Variants in KLF12 observed in about 807,000 individuals in gnomAD.
The protein encoded by KLF12 is Krueppel-like factor 12.
A neutral mutation model predicts 37.8 loss-of-function variants in KLF12; 9 were observed. That is an observed-to-expected ratio of 0.24 (90% CI 0.14 to 0.42). KLF12 has a LOEUF of 0.42. Among genes scored for constraint, KLF12 ranks in the 10% least tolerant of loss-of-function variants. The pLI is 1.00. For missense variants in KLF12, 411 were observed against 516.0 expected (o/e 0.80, Z 1.97); for synonymous variants, 208 against 202.1 (o/e 1.03, Z -0.25).
At chr13:74,288,406 A>G in the KLF12 span, among the ~76,000 whole-genome samples, 2 of 152,220 alleles carry the variant, frequency 1.3e-5, no homozygotes, top group Non-Finnish European at 2.9e-5. Context: ...GTAACGGGGT[A>G]AAACAGCAGC....
chr13:74,243,872 T>G, the KLF12 span, among the ~76,000 whole-genome samples: 5 of 152,154 alleles, frequency 3.3e-5, no homozygotes, highest in Admixed American at 6.5e-5. Flanking sequence ...ATAGGCAATG[T>G]GGAGGAGGCC....
At position 73,845,609 on chromosome 13, in the gene KLF12, A is replaced by G. The variant is rs549025725; in HGVS notation, c.670+218T>C. Among the ~76,000 whole-genome samples, 24 of 152,342 alleles carry G rather than the reference A, an allele frequency of 1.6e-4. 1 individual carries two copies. The South Asian group carries it at 4.8e-3, about 30-fold the overall frequency. On this transcript the variant is annotated intron_variant, in intron 4 of 7. Transcript: ENST00000377669. ...ACATTACGTGACCTATGGTAAGTAA[A>G]AATACACTAAGCAAAACTGGAGCAT...
chr13:73,699,318 T>C (rs9573278), intron 7 of KLF12, among the ~76,000 whole-genome samples: 113,086 of 151,874 alleles, frequency 0.74, 44,224 homozygotes, highest in Non-Finnish European at 0.86. Flanking sequence ...CCAAGACTTC[T>C]GGTCTACAGA....
the KLF12 span, among the ~76,000 whole-genome samples, chr13:74,295,578 GC>G: frequency 6.6e-6 from 1 of 152,238 alleles, no homozygotes; most frequent in African/African-American, 2.4e-5. Context: ...CATGGCAGTT[GC>G]CCCAACGTGA....
At chr13:73,703,379 C>T (rs1383292599) in intron 7 of KLF12, among the ~76,000 whole-genome samples, 3 of 151,964 alleles carry the variant, frequency 2.0e-5, no homozygotes, top group African/African-American at 7.2e-5. Flanking sequence ...ATTTTCTTAA[C>T]ATTTTAAAGT....
intron 7 of KLF12, among the ~76,000 whole-genome samples, chr13:73,705,949 C>T (rs911089801): frequency 2.0e-5 from 3 of 152,070 alleles, no homozygotes; most frequent in Non-Finnish European, 4.4e-5. Context: ...GTCATGAGAT[C>T]GAGACCATCC....
intron 1 of KLF12, among the ~76,000 whole-genome samples, chr13:74,035,527 T>C (rs1893224647): frequency 6.6e-6 from 1 of 152,224 alleles, no homozygotes; most frequent in South Asian, 2.1e-4. Flanking sequence ...GTACATTTTT[T>C]TGTTTTGTTC....
At chr13:74,065,201 T>TACACAC (rs77575006) in intron 1 of KLF12, among the ~76,000 whole-genome samples, 2 of 112,060 alleles carry the variant, frequency 1.8e-5, no homozygotes, top group African/African-American at 5.3e-5. Flanking sequence ...ATCTGATTCT[T>TACACAC]ACACACACAC....
chr13:74,200,897 C>T, the KLF12 span, among the ~76,000 whole-genome samples: 1 of 152,052 alleles, frequency 6.6e-6, no homozygotes, highest in Non-Finnish European at 1.5e-5. Flanking sequence ...TAATTTGGTT[C>T]CCTTTTGGTT....
intron 1 of KLF12, among the ~76,000 whole-genome samples, chr13:74,053,714 G>A (rs1873067453): frequency 6.6e-6 from 1 of 152,162 alleles, no homozygotes. Flanking sequence ...AGTATAGAAT[G>A]AATGGTTGCA....
chr13:74,186,796 G>C, the KLF12 span, among the ~76,000 whole-genome samples: 1 of 152,148 alleles, frequency 6.6e-6, no homozygotes, highest in Non-Finnish European at 1.5e-5. Context: ...TTAACTGATT[G>C]ACACTATATT....
chr13:74,173,677 C>A, the KLF12 span, among the ~76,000 whole-genome samples: 3 of 152,186 alleles, frequency 2.0e-5, no homozygotes, highest in African/African-American at 4.8e-5. Context: ...AGTTCTGTTA[C>A]ATGAATAAGA....
At chr13:74,102,628 T>TG (rs544293880) in intron 1 of KLF12, among the ~76,000 whole-genome samples, 72 of 150,962 alleles carry the variant, frequency 4.8e-4, no homozygotes, top group South Asian at 8.4e-4. Context: ...ACCTGGGAGG[T>TG]GGGGGGTTGC....
At chr13:74,136,147 A>G (rs1029770623), upstream of KLF12, among the ~76,000 whole-genome samples, 5 of 152,148 alleles carry the variant, frequency 3.3e-5, no homozygotes, top group African/African-American at 1.2e-4. Flanking sequence ...TTTGTGGAGC[A>G]CTGCTCGAGT....
chr13:74,015,675 C>T (rs1161232000), intron 1 of KLF12, among the ~76,000 whole-genome samples: 2 of 152,138 alleles, frequency 1.3e-5, no homozygotes, highest in Admixed American at 6.6e-5. Context: ...ACACTGTTCC[C>T]TCTATCTTTA....
intron 1 of KLF12, among the ~76,000 whole-genome samples, chr13:74,036,371 G>A (rs759607529): frequency 6.6e-6 from 1 of 152,182 alleles, no homozygotes; most frequent in South Asian, 2.1e-4. Context: ...GGAACAGGGA[G>A]GCTATGTACC....
At chr13:74,157,915 A>G in the KLF12 span, among the ~76,000 whole-genome samples, 100 of 152,100 alleles carry the variant, frequency 6.6e-4, no homozygotes, top group Non-Finnish European at 1.3e-3. Flanking sequence ...TGCAACTCCC[A>G]TTTACCTCGC....
chr13:74,222,746 A>G, the KLF12 span, among the ~76,000 whole-genome samples: 1 of 152,176 alleles, frequency 6.6e-6, no homozygotes, highest in African/African-American at 2.4e-5. Flanking sequence ...TAATGTATAA[A>G]TTTTTCACTT....
At chr13:73,735,175 T>C (rs1451075637) in intron 6 of KLF12, among the ~76,000 whole-genome samples, 2 of 145,192 alleles carry the variant, frequency 1.4e-5, no homozygotes, top group South Asian at 2.3e-4. Flanking sequence ...CACATGCCTG[T>C]GGTCCCAGTA....
Sources: gnomAD v4.1 joint callset for allele counts (sites outside exome capture counted in the v4.1 genomes callset) on GRCh38, gnomAD v4.1.1 for gene constraint, MANE v1.5 for transcripts, NCBI Gene and HGNC (gene_info 2026-07-23, HGNC 2026-07-21) for gene names.